Variants in ANKHD1 observed in about 807,000 individuals in gnomAD.
The protein encoded by ANKHD1 is ankyrin repeat and KH domain-containing protein 1.
ANKHD1 carries 31 observed loss-of-function variants against 230.5 expected under a neutral mutation model. The ratio of observed to expected loss-of-function variants is 0.13; its 90% CI spans 0.10 to 0.18. The LOEUF is 0.18. Among genes scored for constraint, ANKHD1 ranks in the 10% least tolerant of loss-of-function variants. ANKHD1 has a pLI of 1.00. For synonymous variants in ANKHD1, 1,074 were observed against 1,117.6 expected, an observed-to-expected ratio of 0.96 and a Z score of 0.78; for missense variants, 2,256 against 3,071.3, an observed-to-expected ratio of 0.73 and a Z score of 6.27.
chr5:140,521,178 T>G (rs921757624), intron 24 of ANKHD1, among the ~76,000 whole-genome samples: 3 of 152,100 alleles, frequency 2.0e-5, no homozygotes. Context: ...AGAGAAAAAG[T>G]ATGATTATTG....
At chr5:140,481,868 T>C (rs1352065893) in intron 10 of ANKHD1, among the ~76,000 whole-genome samples, 2 of 152,068 alleles carry the variant, frequency 1.3e-5, no homozygotes, top group Non-Finnish European at 2.9e-5. Flanking sequence ...AATACTTAGA[T>C]GAATTTAATG....
At chr5:140,498,630 TTG>T (rs928606868) in intron 15 of ANKHD1, among the ~76,000 whole-genome samples, 1 of 152,224 alleles carries the variant, frequency 6.6e-6, no homozygotes, top group African/African-American at 2.4e-5. Context: ...TTGTTATAAA[TTG>T]TGAATAAATT....
At chr5:140,428,611 C>CAGAGGGAGACCGTGGAAAGAGAGGG (rs1266243503) in intron 1 of ANKHD1, among the ~76,000 whole-genome samples, 19 of 152,190 alleles carry the variant, frequency 1.2e-4, no homozygotes, top group Middle Eastern at 3.4e-3. Context: ...GGCTCGGCAT[C>CAGAGGGAGACCGTGGAAAGAGAGGG]AGAGGGAGAC....
chr5:140,529,139 C>G lies in ANKHD1; in HGVS notation c.6193C>G (p.His2065Asp), dbSNP rs1753714802. 2 of 1,614,048 alleles carry G rather than the reference C, an allele frequency of 1.2e-6. No individual in the cohort carries two copies. The highest frequency in any genetic ancestry group is 1.7e-6 in the Non-Finnish European group (2 of 1,180,032). Residue 2065 changes from histidine (H) to aspartate (D), a missense_variant, in exon 29 of 34, where the codon CAC becomes GAC. Coordinates refer to ENST00000360839, the MANE Select transcript of ANKHD1 (RefSeq NM_017747.3). ...CAACACCCCGGGAGCTCCAGAAACT[C>G]ACCCATCCAGTAGTCCCACTCCTAC... ...ASNTPGAPET[H>D]PSSSPTPTSS...
chr5:140,454,904 A>C (rs1775046073), intron 7 of ANKHD1, among the ~76,000 whole-genome samples: 1 of 151,862 alleles, frequency 6.6e-6, no homozygotes, highest in South Asian at 2.1e-4. Flanking sequence ...AAAACCCTTC[A>C]AAAAAAATCA....
Position 140,445,970 on chromosome 5 carries a change from A to C in ANKHD1, c.1142A>C (p.Tyr381Ser), listed in dbSNP as rs769335263. The change falls in exon 6 of 34, where the codon TAC becomes TCC. Residue 381 changes from tyrosine to serine, a missense_variant. Coordinates refer to ENST00000360839, the MANE Select transcript of ANKHD1 (RefSeq NM_017747.3). The stretch of plus-strand genomic sequence containing the variant: ...GAAAGTGCTCTAACACTTGCTTGCT[A>C]CAAAGGTACTTAATACATGTATGAA... Reference protein sequence around the residue: ...FKESALTLACYKGHLDMVRFL... With the variant: ...FKESALTLACSKGHLDMVRFL... 4 of 1,595,646 alleles carry C rather than the reference A, an allele frequency of 2.5e-6. No homozygotes were observed. Among genetic ancestry groups the C allele is most frequent in the Non-Finnish European group, 2.6e-6 (3 of 1,169,630 alleles).
chr5:140,485,931 T>G lies in ANKHD1; in HGVS notation c.2142+199T>G, dbSNP rs188488450. The G allele has an allele frequency of 7.0e-5, 54 of 775,368 alleles. No homozygotes were observed. In the African/African-American group the frequency reaches 9.2e-4, roughly 13 times the overall value. The allele number at this position is 775,368 out of a possible 1,614,324, so 48.0% of individuals were successfully genotyped here. On this transcript the variant is annotated intron_variant, in intron 13 of 33. Transcript: ENST00000360839. This position sits in a 1 kb window ranked among gnomAD's most constrained non-coding sequence, Gnocchi z 4.8. ...TTGTTATTGCCTTATTTATTGAGAA[T>G]AGTGGTTTTTAAAAACCACTTAATA...
chr5:140,488,196 T>C (rs1053220093), intron 14 of ANKHD1, among the ~76,000 whole-genome samples: 3 of 152,228 alleles, frequency 2.0e-5, no homozygotes, highest in Non-Finnish European at 4.4e-5. Flanking sequence ...TAAAGCTAAA[T>C]GCCTCTGTTT....
chr5:140,514,187 T>TG (rs1752883623), intron 24 of ANKHD1, among the ~76,000 whole-genome samples: 1 of 111,458 alleles, frequency 9.0e-6, no homozygotes, highest in African/African-American at 3.4e-5. Context: ...CTCTCTCTAT[T>TG]AAAAAAAAAA....
At chr5:140,514,522 C>A (rs187326092) in intron 24 of ANKHD1, among the ~76,000 whole-genome samples, 1 of 152,080 alleles carries the variant, frequency 6.6e-6, no homozygotes, top group East Asian at 1.9e-4. Flanking sequence ...CTAGAGTAAA[C>A]GTGTCGCCTA....
At chr5:140,511,059 C>T (rs1752745285) in intron 22 of ANKHD1, among the ~76,000 whole-genome samples, 1 of 152,106 alleles carries the variant, frequency 6.6e-6, no homozygotes, top group Admixed American at 6.6e-5. Flanking sequence ...CTCCTGGGCT[C>T]AGCGATTCTC....
chr5:140,449,403 G>A lies in ANKHD1; in HGVS notation c.1242+98G>A, dbSNP rs368310543. The A allele has an allele frequency of 7.4e-5, 101 of 1,361,126 alleles. No individual in the cohort carries two copies. The East Asian group carries it at 8.3e-4, about 11-fold the overall frequency. The allele number at this position is 1,361,126 out of a possible 1,614,324, so 84.3% of individuals were successfully genotyped here. On this transcript the variant is annotated intron_variant, in intron 7 of 33. Coordinates refer to ENST00000360839, the MANE Select transcript of ANKHD1 (RefSeq NM_017747.3). ...ATTAATTGCCAGTGCGGTGGCTCAC[G>A]CCTGTAATCCCAGCACTTTGAGAGG...
chr5:140,496,033 T>C (rs1180640478), intron 14 of ANKHD1, among the ~76,000 whole-genome samples: 1 of 152,226 alleles, frequency 6.6e-6, no homozygotes, highest in Non-Finnish European at 1.5e-5. Context: ...CTGTAAGTTT[T>C]GGTCTTTTGC....
At chr5:140,452,141 A>T (rs1452346492) in intron 7 of ANKHD1, among the ~76,000 whole-genome samples, 1 of 152,162 alleles carries the variant, frequency 6.6e-6, no homozygotes, top group Non-Finnish European at 1.5e-5. Flanking sequence ...GCAGTCTGAG[A>T]TCAAACTGCA....
intron 14 of ANKHD1, among the ~76,000 whole-genome samples, chr5:140,496,085 A>G (rs981031545): frequency 3.3e-5 from 5 of 152,210 alleles, no homozygotes; most frequent in South Asian, 2.1e-4. Context: ...TGCTAAAAGA[A>G]TGATTGTTCT....
At chr5:140,517,041 AC>A (rs1299771025) in intron 24 of ANKHD1, among the ~76,000 whole-genome samples, 4 of 149,180 alleles carry the variant, frequency 2.7e-5, no homozygotes, top group African/African-American at 4.9e-5. Flanking sequence ...TATTCAGGAA[AC>A]CCATCTCACG....
At chr5:140,408,484 A>G (rs1361482283) in intron 1 of ANKHD1, among the ~76,000 whole-genome samples, 1 of 152,170 alleles carries the variant, frequency 6.6e-6, no homozygotes, top group Non-Finnish European at 1.5e-5. Flanking sequence ...TTACAATTAT[A>G]TAAAAGCACG....
rs1258144857 is a variant in ANKHD1, at chr5:140,526,187, C to T, written c.4684C>T (p.Pro1562Ser). 1 of 1,613,666 alleles carries T rather than the reference C, an allele frequency of 6.2e-7. No individual in the cohort carries two copies. Among genetic ancestry groups the T allele is most frequent in the Admixed American group, 1.7e-5 (1 of 59,872 alleles). Residue 1562 changes from proline (P) to serine (S), a missense_variant, in exon 26 of 34, where the codon CCA becomes TCA. Pro to Ser is a moderately conservative substitution (Grantham distance 74, BLOSUM62 -1). This residue lies in a region of ANKHD1 where 212 missense variants were observed against 257.3 expected (regional missense o/e 0.82). Coordinates refer to ENST00000360839, the MANE Select transcript of ANKHD1 (RefSeq NM_017747.3). ...CCCTCCTACAGCACATTTAATTTTA[C>T]CAGAACAACATATGTCTTTAGCCCA... ...ETPPTAHLIL[P>S]EQHMSLAQQK...
rs770377236 is a variant in ANKHD1 at position 140,496,988 on chromosome 5, A to G, written c.2714A>G (p.Lys905Arg). The change falls in exon 15 of 34, where the codon AAA becomes AGA. Residue 905 changes from lysine (K) to arginine (R), a missense_variant. Physicochemically the swap from Lys to Arg is conservative, Grantham distance 26 (BLOSUM62 2). Around this residue, in one of 13 missense-constraint regions of ANKHD1, gnomAD observed 358 missense variants for 397.7 expected, o/e 0.90. Transcript: ENST00000360839. ...ELPQVDTILF[K>R]DNDVDDEQQS... is the part of the protein sequence containing the mutation. ...CCTCAGGTTGACACAATCTTATTTA[A>G]AGATAATGATGTTGATGATGAGCAA... The G allele has an allele frequency of 1.2e-6, 2 of 1,614,198 alleles. No homozygotes were observed. Among genetic ancestry groups the G allele is most frequent in the Admixed American group, 3.3e-5 (2 of 60,024 alleles).
Sources: gnomAD v4.1 joint callset for allele counts (sites outside exome capture counted in the v4.1 genomes callset) on GRCh38, gnomAD v4.1.1 for gene constraint, gnomAD v4.1.1 regional missense constraint, Gnocchi (gnomAD v3.1) non-coding constraint, MANE v1.5 for transcripts, NCBI Gene and HGNC (gene_info 2026-07-23, HGNC 2026-07-21) for gene names.